The following HACD1 variants were observed in gnomAD, a reference collection of about 807,000 sequenced individuals.
The protein encoded by HACD1 is 3-hydroxyacyl-CoA dehydratase 1.
HACD1 carries 41 observed loss-of-function variants against 32.0 expected under a neutral mutation model. The observed-to-expected ratio is 1.28, with a 90% CI of 1.00 to 1.66. HACD1 has a LOEUF of 1.66. Ranked by LOEUF, HACD1 falls within the 40% of genes most tolerant of loss-of-function variation. The probability of loss-of-function intolerance (pLI) is 0.00; values close to 1 mark genes in which losing one functional copy is unlikely to be tolerated. For synonymous variants in HACD1, 142 were observed against 139.0 expected, an observed-to-expected ratio of 1.02 and a Z score of -0.15; for missense variants, 396 against 380.1, an observed-to-expected ratio of 1.04 and a Z score of -0.35.
At position 17,610,611 on chromosome 10, in the gene HACD1, C is replaced by T. The variant is rs556188934; in HGVS notation, c.257+6472G>A. On this transcript the variant is annotated intron_variant, in intron 1 of 6. Transcript: ENST00000361271. ...AGTGAGCTGAGCTGGTGCTACTGCA[C>T]TCCAGAGCCAGACTCTGTCTCAAAA... is the stretch of plus-strand genomic sequence containing the variant. Among the ~76,000 whole-genome samples, 3 of 151,024 alleles carry T rather than the reference C, an allele frequency of 2.0e-5. 1 individual carries two copies. Among genetic ancestry groups the T allele is most frequent in the African/African-American group, 7.3e-5 (3 of 41,030 alleles).
Position 17,594,213 on chromosome 10 carries a change from T to A in HACD1, c.776A>T (p.Tyr259Phe). Residue 259 changes from tyrosine to phenylalanine, a missense_variant, in exon 6 of 7, where the codon TAT becomes TTT. Transcript: ENST00000361271. ...YYFLLITMASYIPLFPQLYFH... is the reference protein window; with the variant it reads ...YYFLLITMASFIPLFPQLYFH... ...AATAAGTATATACTTACAAGGTATA[T>A]ATGATGCCATGGTTATAAGAAGAAA... The A allele has an allele frequency of 6.5e-7, 1 of 1,549,280 alleles. No homozygotes were observed. The highest frequency in any genetic ancestry group is 1.4e-5 in the African/African-American group (1 of 72,688).
intron 1 of HACD1, among the ~76,000 whole-genome samples, chr10:17,611,925 C>G (rs1832988786): frequency 6.6e-6 from 1 of 151,588 alleles, no homozygotes; most frequent in African/African-American, 2.4e-5. Context: ...TGAGATCGCA[C>G]CACTGCACTC....
intron 1 of HACD1, among the ~76,000 whole-genome samples, chr10:17,610,999 C>CTTTTTTTTT (rs71393021): frequency 2.3e-3 from 240 of 102,986 alleles, no homozygotes; most frequent in African/African-American, 8.9e-3. Flanking sequence ...AGGTCCTCTT[C>CTTTTTTTTT]TTTTTTTTTT....
chr10:17,596,742 T>C (rs1834000231), intron 5 of HACD1, among the ~76,000 whole-genome samples: 1 of 152,192 alleles, frequency 6.6e-6, no homozygotes, highest in African/African-American at 2.4e-5. Context: ...TCCCAATTAC[T>C]ATCTAAAATT....
rs1232082650 is a variant in HACD1 at position 17,614,878 on chromosome 10, G to A, written c.257+2205C>T. On this transcript the variant is annotated intron_variant, in intron 1 of 6. Coordinates refer to ENST00000361271, the MANE Select transcript of HACD1 (RefSeq NM_014241.4). ...CGCCATTCTCCTGCCTCAGCCTCCG[G>A]AGTAGCTGGGACTATAGGCGCCCGC... Among the ~76,000 whole-genome samples the A allele has an allele frequency of 3.3e-5, 5 of 152,042 alleles. No individual in the cohort carries two copies. The East Asian group carries it at 7.8e-4, about 24-fold the overall frequency.
intron 1 of HACD1, among the ~76,000 whole-genome samples, chr10:17,611,528 C>A (rs1385239212): frequency 6.6e-6 from 1 of 152,200 alleles, no homozygotes; most frequent in Non-Finnish European, 1.5e-5. Context: ...ATTAATGCCC[C>A]AGGTTACCCT....
intron 4 of HACD1, among the ~76,000 whole-genome samples, chr10:17,602,132 C>G (rs1328304172): frequency 1.3e-5 from 2 of 148,900 alleles, no homozygotes; most frequent in African/African-American, 2.5e-5. Flanking sequence ...TGCAGTGGTG[C>G]GATCTCAGCT....
chr10:17,602,379 G>T (rs1834083189), intron 4 of HACD1, among the ~76,000 whole-genome samples: 1 of 151,936 alleles, frequency 6.6e-6, no homozygotes, highest in African/African-American at 2.4e-5. Flanking sequence ...CCCTGTCATG[G>T]GTTTAAAATG....
chr10:17,606,699 G>A (rs1834153696), intron 1 of HACD1, among the ~76,000 whole-genome samples: 1 of 152,096 alleles, frequency 6.6e-6, no homozygotes, highest in South Asian at 2.1e-4. Context: ...ACATAATAAG[G>A]TAAAAGCAAT....
rs560937793 is a variant in HACD1, at chr10:17,594,153, A to C, written c.784+52T>G. Reference sequence around the variant, plus strand: ...CCCTTGCATATTATTATATCCTTTCAAAAATTTCCACATCATATGTCAAAT... The same window carrying C: ...CCCTTGCATATTATTATATCCTTTCCAAAATTTCCACATCATATGTCAAAT... On this transcript the variant is annotated intron_variant, in intron 6 of 6. Coordinates refer to ENST00000361271, the MANE Select transcript of HACD1 (RefSeq NM_014241.4). 51 of 1,278,772 alleles carry C rather than the reference A, an allele frequency of 4.0e-5. 1 individual carries two copies. The East Asian group carries it at 1.3e-3, about 32-fold the overall frequency. 79.2% of individuals were successfully genotyped at this position (1,278,772 alleles called of 1,614,324 possible).
At chr10:17,608,098 T>C (rs576809477) in intron 1 of HACD1, among the ~76,000 whole-genome samples, 1 of 152,082 alleles carries the variant, frequency 6.6e-6, no homozygotes, top group Non-Finnish European at 1.5e-5. Context: ...CAGCCTTGGG[T>C]TCCCAGGCTT....
Position 17,590,213 on chromosome 10 carries a change from CAA to C in HACD1, c.*149_*150del. The stretch of plus-strand genomic sequence containing the variant: ...AAATAGATCTGGCACAAGAGGAACA[CAA>C]ATACTGGCAAATACCACGTGTCTCA... On this transcript the variant is annotated 3_prime_UTR_variant, in exon 7 of 7. Transcript: ENST00000361271. The C allele has an allele frequency of 2.0e-6, 1 of 506,510 alleles. No individual in the cohort carries two copies. The highest frequency in any genetic ancestry group is 3.4e-6 in the Non-Finnish European group (1 of 290,362). The allele number at this position is 506,510 out of a possible 1,614,324, so 31.4% of individuals were successfully genotyped here. A position where few individuals can be genotyped will look rare whatever the true frequency, so the allele number is the denominator to read the frequency against.
chr10:17,614,596 T>A (rs1554817825), intron 1 of HACD1, among the ~76,000 whole-genome samples: 2 of 151,880 alleles, frequency 1.3e-5, no homozygotes, highest in African/African-American at 2.4e-5. Flanking sequence ...GCGCCTGTAG[T>A]CCCAGCTACT....
chr10:17,609,155 G>A (rs1834191430), intron 1 of HACD1, among the ~76,000 whole-genome samples: 1 of 132,128 alleles, frequency 7.6e-6, no homozygotes, highest in Admixed American at 7.7e-5. Context: ...TGTGCAAAAG[G>A]TTTTTTTTTT....
intron 1 of HACD1, among the ~76,000 whole-genome samples, chr10:17,611,906 G>A (rs1356394492): frequency 6.6e-6 from 1 of 151,794 alleles, no homozygotes; most frequent in African/African-American, 2.4e-5. Flanking sequence ...GGCGGAGCTT[G>A]CAGTGAGCTG....
In HACD1 at chr10:17,594,398, A is replaced by C. The variant is rs201627848; in HGVS notation, c.606-15T>G. On this transcript the variant is annotated splice_polypyrimidine_tract_variant and intron_variant, in intron 5 of 6. Coordinates refer to ENST00000361271, the MANE Select transcript of HACD1 (RefSeq NM_014241.4). ...AAAAATTATATCTGGAGAAAGAAAA[A>C]CCTCAGAGAATTATTTTTCTACAAT... 1.1e-4 allele frequency: 162 copies of C among 1,438,732 alleles called. No homozygotes were observed. The Middle Eastern group carries it at 1.1e-3, about 10-fold the overall frequency. 89.1% of individuals were successfully genotyped at this position (1,438,732 alleles called of 1,614,324 possible). A position where few individuals can be genotyped will look rare whatever the true frequency, so the allele number is the denominator to read the frequency against.
At chr10:17,604,081 G>T (rs782570417) in intron 1 of HACD1, 34 bp from the exon 2 acceptor site, 8 of 1,380,522 alleles carry the variant, frequency 5.8e-6, no homozygotes, top group African/African-American at 1.5e-5. Context: ...AAGTTCTTTC[G>T]AACTTAATAC....
intron 1 of HACD1, among the ~76,000 whole-genome samples, chr10:17,607,540 T>C (rs1834165499): frequency 6.6e-6 from 1 of 152,222 alleles, no homozygotes; most frequent in African/African-American, 2.4e-5. Flanking sequence ...CCAAATCAGA[T>C]GTCCACAAAA....
At chr10:17,615,228 C>T (rs1369409117) in intron 1 of HACD1, among the ~76,000 whole-genome samples, 6 of 152,220 alleles carry the variant, frequency 3.9e-5, no homozygotes, top group African/African-American at 1.4e-4. Context: ...ACAGTGGAGT[C>T]AGAGAGTCCG....
Sources: allele counts gnomAD v4.1 joint callset (sites outside exome capture counted in the v4.1 genomes callset), GRCh38; gene constraint gnomAD v4.1.1; transcripts MANE v1.5; gene names NCBI Gene and HGNC (gene_info 2026-07-23, HGNC 2026-07-21).